BANK1: variants seen among roughly 807,000 people sequenced by gnomAD.
BANK1 encodes the protein B cell scaffold protein with ankyrin repeats 1, also known as B-cell scaffold protein with ankyrin repeats.
BANK1 carries 95 observed loss-of-function variants against 94.5 expected under a neutral mutation model. That is an observed-to-expected ratio of 1.00 (90% CI 0.85 to 1.19). The LOEUF (loss-of-function observed/expected upper bound fraction) is 1.19. BANK1 is among the 50% of genes most tolerant of loss of function. BANK1 has a pLI of 0.00. For missense variants in BANK1, 987 were observed against 932.2 expected (o/e 1.06, Z -0.77); for synonymous variants, 334 against 308.4 (o/e 1.08, Z -0.87).
chr4:101,818,574 T>C (rs972801737), intron 1 of BANK1, among the ~76,000 whole-genome samples: 2 of 152,278 alleles, frequency 1.3e-5, no homozygotes, highest in Admixed American at 1.3e-4. Context: ...CTTCCTGTGG[T>C]TTTAGTTATC....
chr4:101,796,876 TTTAC>T lies in BANK1; in HGVS notation c.70+5930_70+5933del, dbSNP rs796842189. Among the ~76,000 whole-genome samples the T allele has an allele frequency of 3.3e-5, 5 of 152,234 alleles. No individual in the cohort carries two copies. The South Asian group carries it at 1.0e-3, about 32-fold the overall frequency. ...ATCTTAGTAAATGTCACAAAACATA[TTTAC>T]TTAGTAAAACAGGAAGTAAAAGAGT... On this transcript the variant is annotated intron_variant, in intron 1 of 16. Coordinates refer to ENST00000322953, the MANE Select transcript of BANK1 (RefSeq NM_017935.5).
chr4:101,939,210 A>G (rs1723665876), intron 7 of BANK1, among the ~76,000 whole-genome samples: 1 of 151,770 alleles, frequency 6.6e-6, no homozygotes, highest in Non-Finnish European at 1.5e-5. Context: ...GGGATGAAGT[A>G]CTGTGATTTT....
intron 1 of BANK1, among the ~76,000 whole-genome samples, chr4:101,809,342 G>A (rs765535713): frequency 6.6e-6 from 1 of 151,960 alleles, no homozygotes; most frequent in South Asian, 2.1e-4. Flanking sequence ...TTGGCAACTC[G>A]GGCAGAAGGG....
chr4:101,902,814 C>T (rs1722326922), intron 6 of BANK1, among the ~76,000 whole-genome samples: 1 of 152,230 alleles, frequency 6.6e-6, no homozygotes, highest in Non-Finnish European at 1.5e-5. Flanking sequence ...ACTAGGAGAT[C>T]AGCCATGTGA....
In BANK1 at chr4:101,870,594, G is replaced by A. The variant is rs765841733; in HGVS notation, c.853G>A (p.Ala285Thr). The A allele has an allele frequency of 6.2e-7, 1 of 1,612,798 alleles. No individual in the cohort carries two copies. The change falls in exon 5 of 17, where the codon GCA becomes ACA. Residue 285 changes from alanine (A) to threonine (T), a missense_variant. Physicochemically the swap from Ala to Thr is moderately conservative, Grantham distance 58. Coordinates refer to ENST00000322953, the MANE Select transcript of BANK1 (RefSeq NM_017935.5). Reference protein sequence around the residue: ...TKIKYYPTAKAKECLFRMADS... With the variant: ...TKIKYYPTAKTKECLFRMADS... Reference sequence around the variant, plus strand: ...AATTAAGTACTACCCAACAGCAAAGGCAAAGGAATGCCTATTCAGAATGGC... The same window carrying A: ...AATTAAGTACTACCCAACAGCAAAGACAAAGGAATGCCTATTCAGAATGGC...
chr4:101,967,507 G>C (rs1204661116), intron 7 of BANK1, among the ~76,000 whole-genome samples: 1 of 151,924 alleles, frequency 6.6e-6, no homozygotes, highest in Non-Finnish European at 1.5e-5. Flanking sequence ...GTGTGGAATA[G>C]GTATTTAGAG....
chr4:102,010,070 T>C (rs755148993), intron 7 of BANK1, among the ~76,000 whole-genome samples: 1 of 151,728 alleles, frequency 6.6e-6, no homozygotes, highest in Non-Finnish European at 1.5e-5. Flanking sequence ...ATCGAGACCA[T>C]CCTGGCTAAC....
intron 7 of BANK1, among the ~76,000 whole-genome samples, chr4:102,010,085 T>C (rs1389079243): frequency 6.8e-6 from 1 of 146,664 alleles, no homozygotes; most frequent in African/African-American, 2.4e-5. Context: ...GCTAACACGG[T>C]GAAACCCGTC....
At chr4:101,849,823 A>G (rs1727405546) in intron 2 of BANK1, among the ~76,000 whole-genome samples, 1 of 152,162 alleles carries the variant, frequency 6.6e-6, no homozygotes, top group African/African-American at 2.4e-5. Flanking sequence ...ACTTTGGAAA[A>G]TTTGGGATTT....
intron 6 of BANK1, among the ~76,000 whole-genome samples, chr4:101,897,233 G>A (rs1055846383): frequency 4.6e-5 from 7 of 151,928 alleles, no homozygotes; most frequent in Non-Finnish European, 7.4e-5. Flanking sequence ...AAGAGAAAGT[G>A]CATACAATGG....
intron 1 of BANK1, among the ~76,000 whole-genome samples, chr4:101,828,252 C>T (rs1726440382): frequency 6.6e-6 from 1 of 151,580 alleles, no homozygotes; most frequent in East Asian, 1.9e-4. Flanking sequence ...CTCTAATTTT[C>T]AAATACATGT....
chr4:101,901,122 C>T (rs1197092184), intron 6 of BANK1, among the ~76,000 whole-genome samples: 1 of 152,134 alleles, frequency 6.6e-6, no homozygotes, highest in Non-Finnish European at 1.5e-5. Flanking sequence ...TAGAAATGTA[C>T]CCCCATGGAT....
chr4:101,923,798 T>C (rs186412718), intron 7 of BANK1, among the ~76,000 whole-genome samples: 7 of 151,962 alleles, frequency 4.6e-5, no homozygotes, highest in African/African-American at 1.4e-4. Flanking sequence ...CAAATCTTGT[T>C]ATTGACTTTT....
At chr4:102,012,864 T>C (rs1369053414) in intron 7 of BANK1, among the ~76,000 whole-genome samples, 2 of 152,254 alleles carry the variant, frequency 1.3e-5, no homozygotes, top group East Asian at 3.9e-4. Flanking sequence ...GTTTTATAAA[T>C]GTAAACCTGG....
intron 7 of BANK1, among the ~76,000 whole-genome samples, chr4:101,989,504 A>G (rs1293026284): frequency 6.6e-6 from 1 of 151,704 alleles, no homozygotes; most frequent in African/African-American, 2.4e-5. Context: ...ATATTGATAC[A>G]CTATTATTAA....
At chr4:101,808,384 A>C (rs1370525480) in intron 1 of BANK1, among the ~76,000 whole-genome samples, 3 of 152,194 alleles carry the variant, frequency 2.0e-5, no homozygotes, top group Non-Finnish European at 2.9e-5. Context: ...ACAGAGAAGC[A>C]CAATTTCCAG....
At chr4:101,815,381 C>T (rs1003380348) in intron 1 of BANK1, among the ~76,000 whole-genome samples, 2 of 152,108 alleles carry the variant, frequency 1.3e-5, no homozygotes, top group Non-Finnish European at 2.9e-5. Context: ...GAAACTACTA[C>T]TAATTTATCA....
chr4:101,950,021 GTGTGTGT>G (rs1724079369), intron 7 of BANK1, among the ~76,000 whole-genome samples: 1 of 8,096 alleles, frequency 1.2e-4, no homozygotes, highest in Non-Finnish European at 8.6e-4. Context: ...AGTAAGGGGT[GTGTGTGT>G]GTGTGTGTGT....
rs372648065 is a variant in BANK1, at chr4:102,071,207, AT to A, written c.2213-67del. 6.5e-4 allele frequency: 985 copies of A among 1,525,552 alleles called. 6 individuals carry two copies. In the African/African-American group the frequency reaches 9.9e-3, roughly 15 times the overall value. The allele number at this position is 1,525,552 out of a possible 1,614,324, so 94.5% of individuals were successfully genotyped here. A position where few individuals can be genotyped will look rare whatever the true frequency, so the allele number is the denominator to read the frequency against. Reference sequence around the variant, plus strand: ...AAGAAGTAGTCCAACAATTAAAAAAATAAGAGAGAGAATTTAAGATAAATAT... The same window carrying A: ...AAGAAGTAGTCCAACAATTAAAAAAAAAGAGAGAGAATTTAAGATAAATAT... On this transcript the variant is annotated intron_variant, in intron 13 of 16. Coordinates refer to ENST00000322953, the MANE Select transcript of BANK1 (RefSeq NM_017935.5).
Sources: allele counts gnomAD v4.1 joint callset (sites outside exome capture counted in the v4.1 genomes callset), GRCh38; gene constraint gnomAD v4.1.1; transcripts MANE v1.5; gene names NCBI Gene and HGNC (gene_info 2026-07-23, HGNC 2026-07-21).